ANKRD50: variants seen among roughly 807,000 people sequenced by gnomAD.
The protein encoded by ANKRD50 is ankyrin repeat domain-containing protein 50.
A neutral mutation model predicts 112.0 loss-of-function variants in ANKRD50; 40 were observed. The ratio of observed to expected loss-of-function variants is 0.36; its 90% confidence interval spans 0.28 to 0.46. The LOEUF is 0.46. Among genes scored for constraint, ANKRD50 ranks in the 20% least tolerant of loss-of-function variants. The pLI is 1.00. For synonymous variants in ANKRD50, 613 were observed against 619.1 expected, an observed-to-expected ratio of 0.99 and a Z score of 0.15; for missense variants, 1,487 against 1,701.7, an observed-to-expected ratio of 0.87 and a Z score of 2.22.
At chr4:124,709,856 A>T in intron 2 of ANKRD50, 144 bp downstream of exon 2, 1 of 1,086,700 alleles carries the variant, frequency 9.2e-7, no homozygotes, top group Non-Finnish European at 1.3e-6. Flanking sequence ...ATTCAAAGTA[A>T]ACAGGTATAC....
At chr4:124,698,977 T>C (rs143558887) in intron 2 of ANKRD50, among the ~76,000 whole-genome samples, 1 of 152,302 alleles carries the variant, frequency 6.6e-6, no homozygotes, top group East Asian at 1.9e-4. Context: ...TAAAAAACAA[T>C]TGTCTGTAAA....
chr4:124,669,878 A>G lies in ANKRD50; in HGVS notation c.3399T>C (p.Ile1133=). 6.2e-7 allele frequency: 1 copy of G among 1,613,140 alleles called. No homozygotes were observed. The highest frequency in any genetic ancestry group is 2.2e-5 in the East Asian group (1 of 44,858). The change falls in exon 4 of 5, where the codon ATT becomes ATC. Residue 1133 remains isoleucine, a synonymous_variant. Coordinates refer to ENST00000504087, the MANE Select transcript of ANKRD50 (RefSeq NM_020337.3). ...CAGTACTACCAGAGCTATTTGATTT[A>G]ATTGTTAATGACTGCACTTTTGAAG... is the stretch of plus-strand genomic sequence containing the variant. ...SLSSKVQSLT[I]KSNSSGSTGG...
chr4:124,708,721 T>C (rs200489341), intron 2 of ANKRD50, among the ~76,000 whole-genome samples: 186 of 111,838 alleles, frequency 1.7e-3, no homozygotes, highest in African/African-American at 3.8e-3. Context: ...CACACACACA[T>C]ACACACACAC....
chr4:124,707,082 A>C (rs1317679202), intron 2 of ANKRD50, among the ~76,000 whole-genome samples: 3 of 152,128 alleles, frequency 2.0e-5, no homozygotes, highest in Non-Finnish European at 1.5e-5. Flanking sequence ...AAGGTTAAAA[A>C]GTAATAATGC....
At chr4:124,697,817 T>C (rs1219141020) in intron 2 of ANKRD50, among the ~76,000 whole-genome samples, 1 of 152,156 alleles carries the variant, frequency 6.6e-6, no homozygotes, top group Non-Finnish European at 1.5e-5. Flanking sequence ...GTGAAGAAAG[T>C]GTTGCTAGAA....
At position 124,710,198 on chromosome 4, in the gene ANKRD50, C is replaced by T; in HGVS notation, c.314G>A (p.Arg105His). The part of the protein sequence containing the change: ...SPASLQRGLH[R>H]QALAFHFCKA... ...GCAGAAATGAAAGGCCAAAGCTTGG[C>T]GATGTAAACCTCTCTGCAAACTTGC... The change falls in exon 2 of 5, where the codon CGC (arginine) becomes CAC (histidine). Residue 105 changes from arginine (R) to histidine (H), a missense_variant. By Grantham distance (29) the Arg-to-His change is conservative. Around this residue, in one of 2 missense-constraint regions of ANKRD50, gnomAD observed 1,046 missense variants for 1,269.5 expected, o/e 0.82. Coordinates refer to ENST00000504087, the MANE Select transcript of ANKRD50 (RefSeq NM_020337.3). 1 of 1,614,134 alleles carries T rather than the reference C, an allele frequency of 6.2e-7. No individual in the cohort carries two copies. The highest frequency in any genetic ancestry group is 8.5e-7 in the Non-Finnish European group (1 of 1,180,044).
At chr4:124,688,683 T>C (rs1300249599) in intron 2 of ANKRD50, among the ~76,000 whole-genome samples, 1 of 152,186 alleles carries the variant, frequency 6.6e-6, no homozygotes, top group Non-Finnish European at 1.5e-5. Flanking sequence ...TTCCAGTTGG[T>C]ATTCTGAGGT....
intron 1 of ANKRD50, among the ~76,000 whole-genome samples, chr4:124,711,615 G>C (rs1725635052): frequency 6.6e-6 from 1 of 152,096 alleles, no homozygotes; most frequent in African/African-American, 2.4e-5. Context: ...TAGACTGGTA[G>C]AACAGCGCCA....
Position 124,670,925 on chromosome 4 carries a change from G to A in ANKRD50, c.2352C>T (p.Pro784=). ...GACCCATAGACGCTGCTGCTAAGAG[G>A]GGTGTACGGCCATTGTTATCTGTGT... is the stretch of plus-strand genomic sequence containing the variant. The part of the protein sequence containing the change: ...VDHTDNNGRT[P]LLAAASMGHA... The change falls in exon 4 of 5, where the codon CCC becomes CCT. Residue 784 remains proline, a synonymous_variant. Transcript: ENST00000504087. 2.5e-6 allele frequency: 4 copies of A among 1,613,804 alleles called. No individual in the cohort carries two copies. Among genetic ancestry groups the A allele is most frequent in the Non-Finnish European group, 3.4e-6 (4 of 1,179,874 alleles).
Position 124,671,760 on chromosome 4 carries a change from T to G in ANKRD50, c.1517A>C (p.His506Pro), listed in dbSNP as rs748239235. 1.1e-5 allele frequency: 18 copies of G among 1,613,792 alleles called. No individual in the cohort carries two copies. The highest frequency in any genetic ancestry group is 1.4e-5 in the Non-Finnish European group (17 of 1,179,866). Residue 506 changes from histidine to proline, a missense_variant, in exon 4 of 5, where the codon CAT becomes CCT. This residue lies in a region of ANKRD50 where 1,046 missense variants were observed against 1,269.5 expected (regional missense o/e 0.82). Transcript: ENST00000504087. ...TGTGCGATCGTCTTCACTGTTGACATGAGCCCCAGCTTTAACCAACAGCTG... is the reference window on the plus strand; with the variant it reads ...TGTGCGATCGTCTTCACTGTTGACAGGAGCCCCAGCTTTAACCAACAGCTG... The part of the protein sequence containing the change: ...VLQLLVKAGA[H>P]VNSEDDRTSC...
chr4:124,712,203 G>T (rs1381954655), intron 1 of ANKRD50, among the ~76,000 whole-genome samples: 2 of 152,018 alleles, frequency 1.3e-5, no homozygotes, highest in East Asian at 1.9e-4. Flanking sequence ...TTTGAAGGGG[G>T]AGGGGGTGAC....
At chr4:124,707,042 T>A (rs1725521628) in intron 2 of ANKRD50, among the ~76,000 whole-genome samples, 1 of 152,108 alleles carries the variant, frequency 6.6e-6, no homozygotes, top group South Asian at 2.1e-4. Context: ...AAAGTCTGTA[T>A]ATGAAACCAT....
At chr4:124,709,779 T>G (rs1304262551) in intron 2 of ANKRD50, among the ~76,000 whole-genome samples, 1 of 152,174 alleles carries the variant, frequency 6.6e-6, no homozygotes, top group East Asian at 1.9e-4. Flanking sequence ...AAAATTAAGA[T>G]ACACTTTTAA....
At chr4:124,705,043 A>G (rs1578594993) in intron 2 of ANKRD50, among the ~76,000 whole-genome samples, 1 of 152,112 alleles carries the variant, frequency 6.6e-6, no homozygotes, top group South Asian at 2.1e-4. Flanking sequence ...GTAGTGAGCC[A>G]AGATCACGCC....
At chr4:124,681,657 A>G (rs568272576) in intron 2 of ANKRD50, among the ~76,000 whole-genome samples, 35 of 152,188 alleles carry the variant, frequency 2.3e-4, no homozygotes, top group Non-Finnish European at 4.4e-4. Context: ...TTGGTGAGTA[A>G]TATTAATAGG....
In ANKRD50 at chr4:124,710,220, T is replaced by G; in HGVS notation, c.292A>C (p.Ser98Arg). The change falls in exon 2 of 5, where the codon AGT becomes CGT. Residue 98 changes from serine (S) to arginine (R), a missense_variant. Coordinates refer to ENST00000504087, the MANE Select transcript of ANKRD50 (RefSeq NM_020337.3). ...TGGCGATGTAAACCTCTCTGCAAAC[T>G]TGCAGGTGAACTTGGCCATAAGAGT... ...TELLWPSSPA[S>R]LQRGLHRQAL... The G allele has an allele frequency of 6.2e-7, 1 of 1,614,196 alleles. No individual in the cohort carries two copies. Among genetic ancestry groups the G allele is most frequent in the South Asian group, 1.1e-5 (1 of 91,088 alleles).
chr4:124,672,742 C>A (rs1441431417), intron 3 of ANKRD50, among the ~76,000 whole-genome samples: 2 of 151,936 alleles, frequency 1.3e-5, no homozygotes, highest in East Asian at 1.9e-4. Flanking sequence ...CATTTTCCTA[C>A]CTACAAATTG....
rs1235786123 is a variant in ANKRD50, at chr4:124,670,294, C to T, written c.2983G>A (p.Val995Met). 11 of 1,613,942 alleles carry T rather than the reference C, an allele frequency of 6.8e-6. No homozygotes were observed. Among genetic ancestry groups the T allele is most frequent in the South Asian group, 4.4e-5 (4 of 91,086 alleles). ...GCATGGTATGCTATCAGGACCTGCA[C>T]CATTTCCATATGGCCTTGCCAACAA... ...VSCWQGHMEM[V>M]QVLIAYHADV... The change falls in exon 4 of 5, where the codon GTG becomes ATG. Residue 995 changes from valine (V) to methionine (M), a missense_variant. Val to Met is a conservative substitution (Grantham distance 21, BLOSUM62 1). This residue lies in a region of ANKRD50 where 1,046 missense variants were observed against 1,269.5 expected (regional missense o/e 0.82). Transcript: ENST00000504087.
intron 1 of ANKRD50, among the ~76,000 whole-genome samples, chr4:124,711,682 C>T (rs1725636676): frequency 6.6e-6 from 1 of 152,020 alleles, no homozygotes; most frequent in South Asian, 2.1e-4. Context: ...GTCTACTCCT[C>T]CAGCCACACT....
Sources: gnomAD v4.1 joint callset for allele counts (sites outside exome capture counted in the v4.1 genomes callset) on GRCh38, gnomAD v4.1.1 for gene constraint, gnomAD v4.1.1 regional missense constraint, MANE v1.5 for transcripts, NCBI Gene and HGNC (gene_info 2026-07-23, HGNC 2026-07-21) for gene names.